The following LRP12 variants were observed in gnomAD, a reference collection of about 807,000 sequenced individuals.
The protein encoded by LRP12 is LDL receptor related protein 12.
LRP12 carries 14 observed loss-of-function variants against 66.0 expected under a neutral mutation model. The observed-to-expected ratio is 0.21, with a 90% confidence interval of 0.14 to 0.33. The LOEUF (loss-of-function observed/expected upper bound fraction) is 0.33. Ranked by LOEUF, LRP12 falls within the 10% of genes least tolerant of loss-of-function variation. LRP12 has a pLI of 1.00. For missense variants in LRP12, 889 were observed against 1,053.4 expected (o/e 0.84, Z 2.16); for synonymous variants, 357 against 359.1 (o/e 0.99, Z 0.07).
At chr8:104,570,246 T>A (rs1190521089) in intron 1 of LRP12, among the ~76,000 whole-genome samples, 1 of 152,088 alleles carries the variant, frequency 6.6e-6, no homozygotes, top group African/African-American at 2.4e-5. Context: ...TCAATCAAAA[T>A]CCCTGCAGGA....
intron 2 of LRP12, among the ~76,000 whole-genome samples, chr8:104,518,577 T>G (rs73295123): frequency 0.012 from 1,848 of 152,170 alleles, 36 homozygotes; most frequent in African/African-American, 0.041. Context: ...TTAACATGGA[T>G]AGAAAGGGTA....
intron 1 of LRP12, among the ~76,000 whole-genome samples, chr8:104,564,347 A>G (rs1032080812): frequency 1.3e-5 from 2 of 152,222 alleles, no homozygotes; most frequent in East Asian, 3.9e-4. Context: ...CTAACCAGCT[A>G]CCAGACAGGA....
At chr8:104,579,711 G>C (rs1812216501) in intron 1 of LRP12, among the ~76,000 whole-genome samples, 1 of 152,110 alleles carries the variant, frequency 6.6e-6, no homozygotes, top group African/African-American at 2.4e-5. Flanking sequence ...AAAACTGCAT[G>C]GTACTCGTAC....
intron 1 of LRP12, among the ~76,000 whole-genome samples, chr8:104,574,322 T>C (rs1327967971): frequency 2.6e-5 from 4 of 152,234 alleles, no homozygotes; most frequent in Non-Finnish European, 2.9e-5. Context: ...ATAGCTCCTA[T>C]ACAAAAACCA....
intron 1 of LRP12, among the ~76,000 whole-genome samples, chr8:104,548,398 A>C (rs1311948965): frequency 1.0e-5 from 1 of 100,224 alleles, no homozygotes; most frequent in Non-Finnish European, 1.7e-5. Context: ...AATATATATT[A>C]TATAAATATA....
At chr8:104,513,700 T>C (rs1368785726) in intron 2 of LRP12, among the ~76,000 whole-genome samples, 6 of 152,158 alleles carry the variant, frequency 3.9e-5, no homozygotes, top group African/African-American at 9.7e-5. Context: ...CTTCTAACTC[T>C]ATTCTGTGTT....
intron 1 of LRP12, among the ~76,000 whole-genome samples, chr8:104,574,891 C>T (rs1219899404): frequency 6.6e-6 from 1 of 152,026 alleles, no homozygotes; most frequent in East Asian, 1.9e-4. Flanking sequence ...CACATTATAT[C>T]TGAGATGCTT....
intron 6 of LRP12, among the ~76,000 whole-genome samples, chr8:104,493,623 G>A (rs1810673083): frequency 6.6e-6 from 1 of 152,222 alleles, no homozygotes; most frequent in Admixed American, 6.5e-5. Flanking sequence ...CACCAACAGT[G>A]TCATGTAGGG....
chr8:104,578,044 A>G (rs2140898787), intron 1 of LRP12, among the ~76,000 whole-genome samples: 1 of 152,266 alleles, frequency 6.6e-6, no homozygotes, highest in Non-Finnish European at 1.5e-5. Context: ...AGAAATAACC[A>G]AAATCAGAGA....
At chr8:104,570,150 G>A (rs1306169359) in intron 1 of LRP12, among the ~76,000 whole-genome samples, 1 of 152,076 alleles carries the variant, frequency 6.6e-6, no homozygotes, top group Non-Finnish European at 1.5e-5. Context: ...TAAATTAACA[G>A]AGCAACTCTG....
At position 104,514,993 on chromosome 8, in the gene LRP12, G is replaced by A. The variant is rs556202715; in HGVS notation, c.137-5919C>T. Among the ~76,000 whole-genome samples the A allele has an allele frequency of 5.7e-4, 86 of 152,148 alleles. 1 individual carries two copies. Among genetic ancestry groups the A allele is most frequent in the Admixed American group, 2.4e-3 (37 of 15,278 alleles). On this transcript the variant is annotated intron_variant, in intron 2 of 6. Coordinates refer to ENST00000276654, the MANE Select transcript of LRP12 (RefSeq NM_013437.5). The stretch of plus-strand genomic sequence containing the variant: ...GGATGTGTGATTGTTTACTTTGTAA[G>A]TGCTGGGCACTATTATGCACTCGAA...
In LRP12 at chr8:104,588,961, ACGACGC is replaced by A. The variant is rs770846647; in HGVS notation, c.-70_-65del. The A allele has an allele frequency of 2.6e-3, 2,532 of 964,410 alleles. 62 individuals carry two copies. Among genetic ancestry groups the A allele is most frequent in the East Asian group, 0.022 (668 of 30,834 alleles). 59.7% of individuals were successfully genotyped at this position (964,410 alleles called of 1,614,324 possible). On this transcript the variant is annotated 5_prime_UTR_variant, in exon 1 of 7. Transcript: ENST00000276654. ...AGGAGGGAGGAGAAGCTGGAGGTAGACGACGCCGACGCCGCCGCCGCCGCCGCCGCC... is the reference window on the plus strand; with the variant it reads ...AGGAGGGAGGAGAAGCTGGAGGTAGACGACGCCGCCGCCGCCGCCGCCGCC...
At chr8:104,570,928 G>A (rs1021169444) in intron 1 of LRP12, among the ~76,000 whole-genome samples, 12 of 152,142 alleles carry the variant, frequency 7.9e-5, no homozygotes, top group Non-Finnish European at 1.5e-5. Context: ...ATGAACTCAA[G>A]CATTTCACAC....
chr8:104,517,979 C>T (rs1311934235), intron 2 of LRP12, among the ~76,000 whole-genome samples: 1 of 151,970 alleles, frequency 6.6e-6, no homozygotes, highest in Non-Finnish European at 1.5e-5. Context: ...ACTAAAGGCA[C>T]CCAAACATGG....
intron 1 of LRP12, among the ~76,000 whole-genome samples, chr8:104,554,608 C>T (rs975680302): frequency 2.6e-5 from 4 of 152,018 alleles, no homozygotes; most frequent in Non-Finnish European, 5.9e-5. Context: ...TGAACAAAGA[C>T]TCCAAGAAAT....
intron 1 of LRP12, among the ~76,000 whole-genome samples, chr8:104,565,811 A>G (rs951891176): frequency 1.3e-5 from 2 of 150,800 alleles, no homozygotes; most frequent in African/African-American, 4.9e-5. Flanking sequence ...CAGTGAACCG[A>G]GATCGCACCA....
chr8:104,578,915 A>C (rs1271374879), intron 1 of LRP12, among the ~76,000 whole-genome samples: 1 of 152,156 alleles, frequency 6.6e-6, no homozygotes, highest in African/African-American at 2.4e-5. Context: ...CAAGGTATTA[A>C]GAAATATACC....
At chr8:104,534,434 A>G (rs942033507) in intron 1 of LRP12, among the ~76,000 whole-genome samples, 24 of 152,058 alleles carry the variant, frequency 1.6e-4, no homozygotes, top group Non-Finnish European at 2.9e-5. Flanking sequence ...AAACAGGCAC[A>G]GATTTCTTTA....
chr8:104,579,910 C>A (rs568491688), intron 1 of LRP12, among the ~76,000 whole-genome samples: 1 of 152,082 alleles, frequency 6.6e-6, no homozygotes, highest in Non-Finnish European at 1.5e-5. Flanking sequence ...CCTCCTTACA[C>A]CATATACAAA....
Sources: allele counts gnomAD v4.1 joint callset (sites outside exome capture counted in the v4.1 genomes callset), GRCh38; gene constraint gnomAD v4.1.1; transcripts MANE v1.5; gene names NCBI Gene and HGNC (gene_info 2026-07-23, HGNC 2026-07-21).